ZNF385D: variants seen among roughly 807,000 people sequenced by gnomAD.
ZNF385D encodes the protein zinc finger protein 659.
ZNF385D carries 15 observed loss-of-function variants against 35.8 expected under a neutral mutation model. That is an observed-to-expected ratio of 0.42 (90% CI 0.28 to 0.64). The LOEUF is 0.64. Ranked by LOEUF, ZNF385D falls within the 30% of genes least tolerant of loss-of-function variation. The pLI is 0.23. For missense variants in ZNF385D, 474 were observed against 494.6 expected (o/e 0.96, Z 0.39); for synonymous variants, 212 against 186.8 (o/e 1.13, Z -1.10).
At chr3:21,429,931 T>C (rs1310958971) in intron 5 of ZNF385D, among the ~76,000 whole-genome samples, 1 of 152,090 alleles carries the variant, frequency 6.6e-6, no homozygotes, top group African/African-American at 2.4e-5. Context: ...GCTGTTTTTT[T>C]TTGCTAAGGT....
At chr3:21,515,797 A>G (rs910044880) in intron 3 of ZNF385D, among the ~76,000 whole-genome samples, 3 of 152,224 alleles carry the variant, frequency 2.0e-5, no homozygotes, top group African/African-American at 7.2e-5. Context: ...ATAAAAGGCC[A>G]CAAGATTAGG....
chr3:22,202,354 G>A (rs1696854566), intron 2 of ZNF385D, among the ~76,000 whole-genome samples: 1 of 152,064 alleles, frequency 6.6e-6, no homozygotes. Flanking sequence ...CTCCTCAGAA[G>A]CAAATGGAAG....
chr3:21,812,174 T>C (rs958208590), intron 3 of ZNF385D, among the ~76,000 whole-genome samples: 4 of 152,210 alleles, frequency 2.6e-5, no homozygotes, highest in Admixed American at 6.5e-5. Flanking sequence ...ATTAAAAAAA[T>C]AGGAAGGGGA....
At chr3:22,336,662 A>G (rs1035844824) in intron 2 of ZNF385D, among the ~76,000 whole-genome samples, 2 of 152,008 alleles carry the variant, frequency 1.3e-5, no homozygotes, top group Admixed American at 6.6e-5. Context: ...TTAAATATCA[A>G]ACTAAACCAG....
At chr3:21,837,746 C>T (rs555720692) in intron 3 of ZNF385D, among the ~76,000 whole-genome samples, 1 of 151,964 alleles carries the variant, frequency 6.6e-6, no homozygotes, top group South Asian at 2.1e-4. Context: ...GTGGCGTGCG[C>T]CTGTAGTCCC....
intron 3 of ZNF385D, among the ~76,000 whole-genome samples, chr3:22,124,767 A>G (rs1317775905): frequency 2.0e-5 from 3 of 152,122 alleles, no homozygotes; most frequent in African/African-American, 7.2e-5. Flanking sequence ...TTGGATAAAT[A>G]TATTTTATCC....
chr3:22,369,820 T>C (rs764263436), intron 2 of ZNF385D, among the ~76,000 whole-genome samples: 3 of 152,172 alleles, frequency 2.0e-5, no homozygotes, highest in African/African-American at 7.2e-5. Context: ...AAAATCTTTA[T>C]AGACAGTACT....
At chr3:22,077,968 G>A (rs1254847637) in intron 3 of ZNF385D, among the ~76,000 whole-genome samples, 2 of 152,020 alleles carry the variant, frequency 1.3e-5, no homozygotes, top group Non-Finnish European at 1.5e-5. Context: ...AACCTGAAAA[G>A]TCCTAGACAA....
rs185935540 is a variant in ZNF385D at position 21,857,248 on chromosome 3, T to C, written c.326-192220A>G. On this transcript the variant is annotated intron_variant, in intron 3 of 5. Coordinates refer to the ZNF385D transcript ENST00000494108. ...GTTATTTTTTCTATATTTTTATTGA[T>C]GGTTTCTGTGATAGTTAATATTGTG... Among the ~76,000 whole-genome samples, 435 of 152,206 alleles carry C rather than the reference T, an allele frequency of 2.9e-3. 4 individuals carry two copies. Among genetic ancestry groups the C allele is most frequent in the African/African-American group, 9.3e-3 (387 of 41,562 alleles).
chr3:21,556,171 T>C (rs2062736619), intron 3 of ZNF385D, among the ~76,000 whole-genome samples: 1 of 150,248 alleles, frequency 6.7e-6, no homozygotes, highest in African/African-American at 2.4e-5. Flanking sequence ...ACTCTGTAGG[T>C]TGCCTGTTCA....
intron 2 of ZNF385D, among the ~76,000 whole-genome samples, chr3:22,240,058 C>G (rs142536710): frequency 7.3e-5 from 11 of 149,782 alleles, no homozygotes; most frequent in Non-Finnish European, 1.5e-4. Context: ...TGGCACATGC[C>G]TGTAGTCTCA....
chr3:22,152,586 T>C (rs1705311326), intron 3 of ZNF385D, among the ~76,000 whole-genome samples: 1 of 152,148 alleles, frequency 6.6e-6, no homozygotes, highest in African/African-American at 2.4e-5. Context: ...CTCCATCTCC[T>C]AAGTGCGTCG....
At chr3:21,815,252 C>T (rs980502691) in intron 3 of ZNF385D, among the ~76,000 whole-genome samples, 3 of 152,070 alleles carry the variant, frequency 2.0e-5, no homozygotes, top group Non-Finnish European at 2.9e-5. Context: ...AAAATTGACA[C>T]CCTAACATCA....
chr3:21,830,501 G>T (rs1003386261), intron 3 of ZNF385D, among the ~76,000 whole-genome samples: 1 of 152,196 alleles, frequency 6.6e-6, no homozygotes, highest in African/African-American at 2.4e-5. Flanking sequence ...TCTACGTATT[G>T]TTTGTACTGT....
At chr3:22,030,469 G>C (rs541904726) in intron 3 of ZNF385D, among the ~76,000 whole-genome samples, 1 of 150,490 alleles carries the variant, frequency 6.6e-6, no homozygotes, top group Non-Finnish European at 1.5e-5. Flanking sequence ...GAGGGAGGGA[G>C]AGAGAGAGAC....
intron 3 of ZNF385D, among the ~76,000 whole-genome samples, chr3:22,167,350 C>T (rs909672591): frequency 7.9e-5 from 12 of 152,174 alleles, no homozygotes; most frequent in African/African-American, 2.2e-4. Flanking sequence ...ATTCTGAGCC[C>T]ATAAAAGCCC....
intron 2 of ZNF385D, among the ~76,000 whole-genome samples, chr3:22,352,322 T>A (rs754364100): frequency 9.2e-5 from 14 of 152,260 alleles, no homozygotes; most frequent in Middle Eastern, 6.8e-3. Context: ...CAACATGAGG[T>A]GAGTTCACCA....
intron 3 of ZNF385D, among the ~76,000 whole-genome samples, chr3:21,518,684 T>C (rs1171119105): frequency 6.6e-6 from 1 of 152,106 alleles, no homozygotes; most frequent in Non-Finnish European, 1.5e-5. Flanking sequence ...ATTGAGAAAA[T>C]TACCTAGCCA....
chr3:21,561,586 T>C (rs2062948583), intron 3 of ZNF385D, among the ~76,000 whole-genome samples: 1 of 152,200 alleles, frequency 6.6e-6, no homozygotes, highest in Non-Finnish European at 1.5e-5. Context: ...GAGCTGTTTC[T>C]ATTTGGCCAG....
Sources: allele counts gnomAD v4.1 joint callset (sites outside exome capture counted in the v4.1 genomes callset), GRCh38; gene constraint gnomAD v4.1.1; transcripts MANE v1.5; gene names NCBI Gene and HGNC (gene_info 2026-07-23, HGNC 2026-07-21).